The following CADM2 variants were observed in gnomAD, a reference collection of about 807,000 sequenced individuals.
The protein encoded by CADM2 is cell adhesion molecule 2, also known as immunoglobulin superfamily member 4D.
A neutral mutation model predicts 49.8 loss-of-function variants in CADM2; 12 were observed. The observed-to-expected ratio is 0.24, with a 90% confidence interval of 0.15 to 0.39. CADM2 has a LOEUF of 0.39. Among genes scored for constraint, CADM2 ranks in the 10% least tolerant of loss-of-function variants. The probability of loss-of-function intolerance (pLI) is 1.00; values close to 1 mark genes in which losing one functional copy is unlikely to be tolerated. For missense variants in CADM2, 378 were observed against 492.3 expected, an observed-to-expected ratio of 0.77 and a Z score of 2.20; for synonymous variants, 214 against 175.4, an observed-to-expected ratio of 1.22 and a Z score of -1.74.
chr3:85,982,402 A>C (rs1727584770), intron 8 of CADM2, among the ~76,000 whole-genome samples: 1 of 151,712 alleles, frequency 6.6e-6, no homozygotes, highest in African/African-American at 2.4e-5. Context: ...TAAAGTTTGA[A>C]AGATAACATT....
At chr3:85,576,771 G>A (rs1048687181) in intron 1 of CADM2, among the ~76,000 whole-genome samples, 1 of 152,028 alleles carries the variant, frequency 6.6e-6, no homozygotes, top group African/African-American at 2.4e-5. Flanking sequence ...GAGAAAATCT[G>A]GTTTGAAGGA....
intron 1 of CADM2, among the ~76,000 whole-genome samples, chr3:85,379,596 A>G (rs2033785064): frequency 6.6e-6 from 1 of 151,906 alleles, no homozygotes; most frequent in Non-Finnish European, 1.5e-5. Context: ...TGTATAATCT[A>G]ATTTCTTTTT....
intron 1 of CADM2, among the ~76,000 whole-genome samples, chr3:85,257,591 T>G (rs920228035): frequency 1.6e-4 from 24 of 152,086 alleles, no homozygotes; most frequent in African/African-American, 5.8e-4. Flanking sequence ...AAATGTAATT[T>G]TGAGTTGTTT....
chr3:85,683,824 TCTCCTACAATATGA>T (rs2066110190), intron 1 of CADM2, among the ~76,000 whole-genome samples: 1 of 152,192 alleles, frequency 6.6e-6, no homozygotes, highest in East Asian at 1.9e-4. Flanking sequence ...TTTGTCTTTT[TCTCCTACAATATGA>T]CTCCTACAAT....
chr3:85,916,638 G>A (rs902182987), intron 6 of CADM2, among the ~76,000 whole-genome samples: 1 of 152,008 alleles, frequency 6.6e-6, no homozygotes, highest in African/African-American at 2.4e-5. Flanking sequence ...ACATACGTGT[G>A]CATGTGTCTT....
chr3:85,951,886 T>C (rs2108588455), intron 7 of CADM2, among the ~76,000 whole-genome samples: 1 of 150,646 alleles, frequency 6.6e-6, no homozygotes, highest in East Asian at 2.0e-4. Flanking sequence ...TAATAATGGA[T>C]GGAGAAAGGG....
intron 3 of CADM2, among the ~76,000 whole-genome samples, chr3:85,873,281 GA>G (rs1395075605): frequency 6.6e-6 from 1 of 151,980 alleles, no homozygotes; most frequent in African/African-American, 2.4e-5. Flanking sequence ...AGTATAAATA[GA>G]ATTGTTAAAA....
intron 3 of CADM2, among the ~76,000 whole-genome samples, chr3:85,859,436 T>C (rs1346643506): frequency 2.0e-5 from 3 of 152,052 alleles, no homozygotes; most frequent in Admixed American, 6.6e-5. Flanking sequence ...TTCACCATGT[T>C]GGCCAGGCTG....
chr3:85,335,341 A>G (rs2045050503), intron 1 of CADM2, among the ~76,000 whole-genome samples: 1 of 151,408 alleles, frequency 6.6e-6, no homozygotes, highest in Admixed American at 6.6e-5. Context: ...TAAACACTTT[A>G]TTTGATTTTA....
chr3:85,597,185 A>G (rs2063269108), intron 1 of CADM2, among the ~76,000 whole-genome samples: 1 of 150,434 alleles, frequency 6.6e-6, no homozygotes, highest in Non-Finnish European at 1.5e-5. Flanking sequence ...GAAAGTGCAC[A>G]AGATTGTCAA....
At chr3:85,389,545 A>G (rs1353900591) in intron 1 of CADM2, among the ~76,000 whole-genome samples, 1 of 152,116 alleles carries the variant, frequency 6.6e-6, no homozygotes, top group Admixed American at 6.6e-5. Flanking sequence ...TTTGATATAT[A>G]CCATATAATG....
intron 1 of CADM2, among the ~76,000 whole-genome samples, chr3:85,594,393 C>G (rs2063188310): frequency 6.6e-6 from 1 of 151,546 alleles, no homozygotes; most frequent in Admixed American, 6.6e-5. Context: ...ATAGATGTAA[C>G]AGTGAATTCA....
chr3:85,076,482 G>C (rs1026059910), intron 1 of CADM2, among the ~76,000 whole-genome samples: 2 of 151,764 alleles, frequency 1.3e-5, no homozygotes, highest in African/African-American at 4.8e-5. Context: ...TGAGTAGCTG[G>C]GATTACAGGT....
At chr3:85,907,601 A>G (rs565590047) in intron 5 of CADM2, among the ~76,000 whole-genome samples, 1 of 152,266 alleles carries the variant, frequency 6.6e-6, no homozygotes, top group African/African-American at 2.4e-5. Flanking sequence ...ATCCAGGGAA[A>G]GTATTTCATT....
intron 7 of CADM2, among the ~76,000 whole-genome samples, chr3:85,937,922 T>C (rs1361355100): frequency 1.3e-5 from 2 of 152,056 alleles, no homozygotes; most frequent in Non-Finnish European, 2.9e-5. Context: ...TAAATCCCAG[T>C]GTTATATTCT....
chr3:85,105,536 C>T (rs540685154), intron 1 of CADM2, among the ~76,000 whole-genome samples: 63 of 152,254 alleles, frequency 4.1e-4, no homozygotes, highest in African/African-American at 1.4e-3. Flanking sequence ...GTCAGTGTGG[C>T]AATTCCTCAG....
intron 1 of CADM2, among the ~76,000 whole-genome samples, chr3:85,711,044 T>C (rs189981326): frequency 1.0e-3 from 154 of 152,268 alleles, no homozygotes; most frequent in African/African-American, 3.6e-3. Context: ...ATATTTTCCT[T>C]TCTCTATAAA....
rs180721771 is a variant in CADM2, at chr3:84,984,149, C to T, written c.61+24481C>T. Among the ~76,000 whole-genome samples the T allele has an allele frequency of 9.9e-5, 15 of 151,670 alleles. No individual in the cohort carries two copies. In the East Asian group the frequency reaches 1.2e-3, roughly 12 times the overall value. The stretch of plus-strand genomic sequence containing the variant: ...TTAATAAACTAAATCTAGATATCTA[C>T]GCCTGAGCTGTTTCCCATGTTGCAT... On this transcript the variant is annotated intron_variant, in intron 1 of 9. Transcript: ENST00000383699.
intron 1 of CADM2, among the ~76,000 whole-genome samples, chr3:85,492,020 G>A (rs1012241254): frequency 6.6e-6 from 1 of 151,802 alleles, no homozygotes; most frequent in Non-Finnish European, 1.5e-5. Context: ...TCTACCCTGG[G>A]AAAAGAAAAT....
Sources: allele counts gnomAD v4.1 joint callset (sites outside exome capture counted in the v4.1 genomes callset), GRCh38; gene constraint gnomAD v4.1.1; transcripts MANE v1.5; gene names NCBI Gene and HGNC (gene_info 2026-07-23, HGNC 2026-07-21).